CELF2: variants seen among roughly 807,000 people sequenced by gnomAD.
CELF2 encodes CUGBP Elav-like family member 2.
In CELF2, 8 loss-of-function variants were observed where a neutral mutation model predicts 62.6. The observed-to-expected ratio is 0.13, with a 90% confidence interval of 0.07 to 0.23. CELF2 has a LOEUF of 0.23. CELF2 is among the 10% of genes least tolerant of loss of function. CELF2 has a pLI of 1.00. For synonymous variants in CELF2, 258 were observed against 250.0 expected (o/e 1.03, Z -0.30); for missense variants, 333 against 671.0 (o/e 0.50, Z 5.56).
chr10:11,005,288 GA>G (rs1407938805), upstream of CELF2: 93 of 1,586,480 alleles, frequency 5.9e-5, no homozygotes, highest in Admixed American at 3.4e-4. The surrounding 1 kb of genome is among the most constrained non-coding windows in gnomAD (Gnocchi z 4.3). Flanking sequence ...GAGAGAGAGA[GA>G]GAGAGGGAGG....
chr10:11,004,416 C>CGT (rs1302856891), upstream of CELF2, among the ~76,000 whole-genome samples: 30 of 140,014 alleles, frequency 2.1e-4, no homozygotes, highest in African/African-American at 9.5e-4. The surrounding 1 kb of genome is among the most constrained non-coding windows in gnomAD (Gnocchi z 5.0). Context: ...TGTGTGTGTG[C>CGT]GCGCGCGTGT....
intron 1 of CELF2, among the ~76,000 whole-genome samples, chr10:11,148,748 G>T (rs1460639885): frequency 1.3e-5 from 2 of 152,078 alleles, no homozygotes; most frequent in Non-Finnish European, 2.9e-5. Flanking sequence ...CAGGGTTCTG[G>T]AATGTTTTTG....
At chr10:10,971,818 C>G (rs536186730) in intron 2 of CELF2, among the ~76,000 whole-genome samples, 1 of 152,232 alleles carries the variant, frequency 6.6e-6, no homozygotes, top group South Asian at 2.1e-4. Flanking sequence ...AGCTCCTGAC[C>G]TCAGGTGATC....
chr10:10,584,239 C>T, the CELF2 span, among the ~76,000 whole-genome samples: 3 of 152,280 alleles, frequency 2.0e-5, no homozygotes, highest in South Asian at 4.1e-4. Context: ...GAACGATTTG[C>T]GAATCAGGCA....
chr10:10,691,232 C>A, the CELF2 span, among the ~76,000 whole-genome samples: 9 of 151,794 alleles, frequency 5.9e-5, no homozygotes, highest in Non-Finnish European at 2.9e-5. Context: ...GTTCAATTCC[C>A]ACCTATGAGT....
rs1283289425 is a variant in CELF2, at chr10:11,247,953, C to G, written c.355-1200C>G. ...TGAAGACCCAGGCCGGCATTAGGTG[C>G]ACGTGATCCTGACTGCCTGATGATA... On this transcript the variant is annotated intron_variant, in intron 3 of 12. Coordinates refer to ENST00000633077, the MANE Select transcript of CELF2 (RefSeq NM_001326342.2). This position sits in a 1 kb window ranked among gnomAD's most constrained non-coding sequence, Gnocchi z 5.4. Among the ~76,000 whole-genome samples the G allele has an allele frequency of 6.6e-6, 1 of 152,180 alleles. No homozygotes were observed. Among genetic ancestry groups the G allele is most frequent in the Non-Finnish European group, 1.5e-5 (1 of 68,034 alleles).
chr10:10,498,370 C>T, the CELF2 span, among the ~76,000 whole-genome samples: 1,068 of 152,318 alleles, frequency 7.0e-3, 8 homozygotes, highest in South Asian at 0.022. Flanking sequence ...AGTAGGTGAT[C>T]GGGCCAAAAC....
At chr10:10,999,941 T>C (rs2054355379) in intron 2 of CELF2, among the ~76,000 whole-genome samples, 1 of 152,244 alleles carries the variant, frequency 6.6e-6, no homozygotes, top group African/African-American at 2.4e-5. Flanking sequence ...GAGTTGCTTG[T>C]GCCTTTGCCT....
the CELF2 span, among the ~76,000 whole-genome samples, chr10:10,686,185 G>T: frequency 6.6e-6 from 1 of 152,128 alleles, no homozygotes; most frequent in Non-Finnish European, 1.5e-5. Context: ...GTGTTGATAG[G>T]ATTGCAGATT....
rs535003527 is a variant in CELF2 at position 10,906,049 on chromosome 10, C to T, written c.54-13915C>T. On this transcript the variant is annotated intron_variant, in intron 1 of 13. Transcript: ENST00000636488. ...CGGTGCCACTGCTCTCCAGCCTGGGCGATAGAGCCAGATTCTGTCTCAATA... is the reference window on the plus strand; with the variant it reads ...CGGTGCCACTGCTCTCCAGCCTGGGTGATAGAGCCAGATTCTGTCTCAATA... 8.6e-5 allele frequency among the ~76,000 whole-genome samples: 13 copies of T among 151,654 alleles called. No individual in the cohort carries two copies. The East Asian group carries it at 1.9e-3, about 23-fold the overall frequency.
intron 1 of CELF2, among the ~76,000 whole-genome samples, chr10:10,905,960 A>G (rs1300117717): frequency 1.3e-5 from 2 of 152,188 alleles, no homozygotes; most frequent in African/African-American, 4.8e-5. Flanking sequence ...AGTCCCAGCT[A>G]TCAGGGCACC....
chr10:11,195,036 A>G (rs772971915), intron 2 of CELF2, among the ~76,000 whole-genome samples: 27 of 152,176 alleles, frequency 1.8e-4, no homozygotes, highest in Non-Finnish European at 3.2e-4. Flanking sequence ...CAGAGACAGT[A>G]ATGTCTTTCC....
At chr10:10,805,876 A>C (rs1381577887) in intron 1 of CELF2, among the ~76,000 whole-genome samples, 1 of 152,190 alleles carries the variant, frequency 6.6e-6, no homozygotes, top group African/African-American at 2.4e-5. Context: ...CCATCTGTTG[A>C]GACTCGGTAG....
At chr10:10,948,337 G>C (rs1030292621) in intron 2 of CELF2, 2 of 152,150 alleles carry the variant, frequency 1.3e-5, no homozygotes, top group African/African-American at 2.4e-5. Flanking sequence ...CTTAGCCAGA[G>C]TAGTAGCAGA....
intron 2 of CELF2, among the ~76,000 whole-genome samples, chr10:11,188,840 T>C (rs543581159): frequency 2.0e-5 from 3 of 152,352 alleles, no homozygotes; most frequent in East Asian, 3.9e-4. Flanking sequence ...TTAAAGTCTC[T>C]GTTTCTCTAT....
At position 11,314,454 on chromosome 10, in the gene CELF2, C is replaced by A; in HGVS notation, c.1096+196C>A. 1.5e-6 allele frequency: 1 copy of A among 684,330 alleles called. No individual in the cohort carries two copies. The highest frequency in any genetic ancestry group is 2.6e-6 in the Non-Finnish European group (1 of 382,598). The allele number at this position is 684,330 out of a possible 1,614,324, so 42.4% of individuals were successfully genotyped here. A position where few individuals can be genotyped will look rare whatever the true frequency, so the allele number is the denominator to read the frequency against. On this transcript the variant is annotated intron_variant, in intron 10 of 12. Transcript: ENST00000633077. The surrounding 1 kb of genome is among the most constrained non-coding windows in gnomAD (Gnocchi z 5.3). ...GCCTCAGAAAATCCCCAACCACTCT[C>A]CACCCCCAGATTCTCTTCAGTGTGT...
rs929411106 is a variant in CELF2, at chr10:11,207,392, C to T, written c.272-10033C>T. 2.0e-5 allele frequency among the ~76,000 whole-genome samples: 3 copies of T among 152,178 alleles called. No individual in the cohort carries two copies. Among genetic ancestry groups the T allele is most frequent in the African/African-American group, 7.2e-5 (3 of 41,426 alleles). On this transcript the variant is annotated intron_variant, in intron 2 of 12. Transcript: ENST00000633077. This position sits in a 1 kb window ranked among gnomAD's most constrained non-coding sequence, Gnocchi z 4.1. ...GCTGCCAGGGGCCTGGATCTTGTGG[C>T]CAGTTGACAGAAAGTTGGTCCTAGC...
intron 1 of CELF2, among the ~76,000 whole-genome samples, chr10:10,891,437 G>A (rs1242230979): frequency 6.6e-6 from 1 of 151,848 alleles, no homozygotes; most frequent in Non-Finnish European, 1.5e-5. Flanking sequence ...GTCATCAGCA[G>A]CAGCAGCACC....
chr10:11,233,499 G>T (rs1382468856), intron 3 of CELF2, among the ~76,000 whole-genome samples: 2 of 152,162 alleles, frequency 1.3e-5, no homozygotes, highest in Admixed American at 6.5e-5. Context: ...TGAAAATCGG[G>T]CTTCTCTGCT....
Sources: allele counts gnomAD v4.1 joint callset (sites outside exome capture counted in the v4.1 genomes callset), GRCh38; gene constraint gnomAD v4.1.1; non-coding constraint Gnocchi (gnomAD v3.1); transcripts MANE v1.5; gene names NCBI Gene and HGNC (gene_info 2026-07-23, HGNC 2026-07-21).